The following PARD3 variants were observed in gnomAD, a reference collection of about 807,000 sequenced individuals.
PARD3 encodes the protein partitioning defective 3 homolog.
Under a neutral mutation model 155.4 loss-of-function variants are expected in PARD3, and 75 were observed. The ratio of observed to expected loss-of-function variants is 0.48; its 90% CI spans 0.40 to 0.58. The LOEUF (loss-of-function observed/expected upper bound fraction) is 0.58, where lower values mean the gene tolerates loss of function less well. Among genes scored for constraint, PARD3 ranks in the 20% least tolerant of loss-of-function variants. The probability of loss-of-function intolerance (pLI) is 0.00; values close to 1 mark genes in which losing one functional copy is unlikely to be tolerated. For synonymous variants in PARD3, 576 were observed against 610.5 expected (o/e 0.94, Z 0.83); for missense variants, 1,642 against 1,721.7 (o/e 0.95, Z 0.82).
chr10:34,330,748 G>A (rs1453997936), intron 19 of PARD3, among the ~76,000 whole-genome samples: 1 of 152,070 alleles, frequency 6.6e-6, no homozygotes, highest in Non-Finnish European at 1.5e-5. Flanking sequence ...CGTGTTAACA[G>A]AAATTACATT....
At chr10:34,344,771 T>C in intron 15 of PARD3, 1 of 985,422 alleles carries the variant, frequency 1.0e-6, no homozygotes, top group Non-Finnish European at 1.2e-6. Flanking sequence ...ATCTTGCCTT[T>C]GGTCACAATC....
intron 18 of PARD3, among the ~76,000 whole-genome samples, chr10:34,335,255 A>C (rs1440904032): frequency 6.6e-6 from 1 of 151,974 alleles, no homozygotes; most frequent in Non-Finnish European, 1.5e-5. Flanking sequence ...TACTCCAAAG[A>C]ATATAACTCC....
chr10:34,270,761 A>G (rs545625682), intron 21 of PARD3, among the ~76,000 whole-genome samples: 1 of 152,306 alleles, frequency 6.6e-6, no homozygotes, highest in African/African-American at 2.4e-5. Context: ...GGATGCATAC[A>G]GAAATGGAGA....
chr10:34,547,193 T>A (rs577608602), intron 2 of PARD3, among the ~76,000 whole-genome samples: 2 of 152,344 alleles, frequency 1.3e-5, no homozygotes, highest in Admixed American at 1.3e-4. Flanking sequence ...AGCAGGTCAA[T>A]TCAATGAACA....
intron 1 of PARD3, among the ~76,000 whole-genome samples, chr10:34,734,660 C>T (rs2094881303): frequency 6.6e-6 from 1 of 152,166 alleles, no homozygotes. Context: ...AAACAACTGG[C>T]TTTCCTATTG....
intron 1 of PARD3, among the ~76,000 whole-genome samples, chr10:34,805,083 C>G (rs1359404130): frequency 6.6e-6 from 1 of 152,160 alleles, no homozygotes; most frequent in Admixed American, 6.5e-5. Flanking sequence ...AAAGGCTGGG[C>G]GCGGTGGCTC....
chr10:34,608,366 G>A (rs2090624576), intron 2 of PARD3, among the ~76,000 whole-genome samples: 1 of 152,080 alleles, frequency 6.6e-6, no homozygotes, highest in South Asian at 2.1e-4. Context: ...GGAAATCATT[G>A]TATTCTCCAT....
chr10:34,677,076 G>A lies in PARD3; in HGVS notation c.222+19242C>T, dbSNP rs115070244. 3.2e-3 allele frequency among the ~76,000 whole-genome samples: 481 copies of A among 152,234 alleles called. 2 individuals carry two copies. The highest frequency in any genetic ancestry group is 0.011 in the African/African-American group (446 of 41,524). On this transcript the variant is annotated intron_variant, in intron 2 of 24. Coordinates refer to ENST00000374788, the MANE Select transcript of PARD3 (RefSeq NM_001184785.2). ...TTTACCAACAAACATCCAATATGGT[G>A]GCAGTTTCTGCGGAAGGAAGTATGT...
At chr10:34,707,603 C>A (rs184029205) in intron 1 of PARD3, among the ~76,000 whole-genome samples, 2 of 152,316 alleles carry the variant, frequency 1.3e-5, no homozygotes, top group East Asian at 3.9e-4. Flanking sequence ...CTATACACTA[C>A]GTTTTAGCCC....
At chr10:34,686,473 C>T (rs777899588) in intron 2 of PARD3, among the ~76,000 whole-genome samples, 3 of 151,274 alleles carry the variant, frequency 2.0e-5, no homozygotes, top group African/African-American at 4.9e-5. Context: ...CAGTAGCTCA[C>T]GCCTATAATC....
intron 1 of PARD3, among the ~76,000 whole-genome samples, chr10:34,776,310 A>C (rs1839517072): frequency 6.6e-6 from 1 of 152,228 alleles, no homozygotes; most frequent in Non-Finnish European, 1.5e-5. Flanking sequence ...TATACCTCAG[A>C]CACCTACAAG....
chr10:34,470,088 C>T lies in PARD3; in HGVS notation c.579G>A (p.Arg193=). The T allele has an allele frequency of 1.3e-6, 2 of 1,593,810 alleles. No individual in the cohort carries two copies. Among genetic ancestry groups the T allele is most frequent in the Non-Finnish European group, 8.5e-7 (1 of 1,169,730 alleles). The part of the protein sequence containing the change: ...NTAGSPKTCD[R]KKDENYRSLP... ...GCAAACAAGCAGAGGTGGTTACCTT[C>T]CTGTCGCAGGTTTTAGGACTCCCAG... The change falls in exon 4 of 25, where the codon AGG becomes AGA. Residue 193 remains arginine, a synonymous_variant. Coordinates refer to ENST00000374788, the MANE Select transcript of PARD3 (RefSeq NM_001184785.2).
At chr10:34,302,387 A>T (rs1261627326) in intron 20 of PARD3, among the ~76,000 whole-genome samples, 1 of 152,222 alleles carries the variant, frequency 6.6e-6, no homozygotes, top group African/African-American at 2.4e-5. Context: ...TAGCTTCAAA[A>T]CAACCCTGTG....
chr10:34,384,148 G>T lies in PARD3; in HGVS notation c.997C>A (p.Arg333=). Residue 333 remains arginine (R), a synonymous_variant, in exon 8 of 25, where the codon CGA becomes AGA. Coordinates refer to ENST00000374788, the MANE Select transcript of PARD3 (RefSeq NM_001184785.2). ...CIVRINDGDL[R]NRRFEQAQHM... ...ACTTACTGTTCAAATCTTCTATTTC[G>T]AAGGTCGCCATCATTAATCCTGACA... The T allele has an allele frequency of 2.5e-6, 4 of 1,613,682 alleles. No individual in the cohort carries two copies. Among genetic ancestry groups the T allele is most frequent in the Non-Finnish European group, 2.5e-6 (3 of 1,179,866 alleles).
intron 20 of PARD3, among the ~76,000 whole-genome samples, chr10:34,286,680 G>T (rs1405268288): frequency 6.6e-6 from 1 of 152,186 alleles, no homozygotes; most frequent in Non-Finnish European, 1.5e-5. Context: ...GCATCAGGGG[G>T]CAGACCACAT....
chr10:34,197,382 AATGAACACTTAGG>A (rs1433731317), intron 22 of PARD3, among the ~76,000 whole-genome samples: 1 of 152,120 alleles, frequency 6.6e-6, no homozygotes, highest in Non-Finnish European at 1.5e-5. Flanking sequence ...CCTAGTTCAG[AATGAACACTTAGG>A]ACTACACGTT....
intron 1 of PARD3, among the ~76,000 whole-genome samples, chr10:34,725,716 A>G (rs970470888): frequency 1.5e-4 from 23 of 152,166 alleles, no homozygotes; most frequent in African/African-American, 5.6e-4. Context: ...TAACTACACA[A>G]CACTCCAACC....
chr10:34,414,045 A>C (rs191861747), intron 5 of PARD3, among the ~76,000 whole-genome samples: 1 of 152,226 alleles, frequency 6.6e-6, no homozygotes, highest in Non-Finnish European at 1.5e-5. Flanking sequence ...CACACACACA[A>C]AAACTGGCTG....
chr10:34,181,660 C>A (rs1950273623), intron 22 of PARD3, among the ~76,000 whole-genome samples: 1 of 152,056 alleles, frequency 6.6e-6, no homozygotes. Context: ...CACTAGAGGT[C>A]TCCTGCTTGT....
Sources: gnomAD v4.1 joint callset for allele counts (sites outside exome capture counted in the v4.1 genomes callset) on GRCh38, gnomAD v4.1.1 for gene constraint, MANE v1.5 for transcripts, NCBI Gene and HGNC (gene_info 2026-07-23, HGNC 2026-07-21) for gene names.